Variants in PRMT3 observed in about 807,000 individuals in gnomAD.
The protein encoded by PRMT3 is protein arginine N-methyltransferase 3.
PRMT3 carries 62 observed loss-of-function variants against 71.9 expected under a neutral mutation model. That is an observed-to-expected ratio of 0.86 (90% confidence interval 0.70 to 1.07). The LOEUF (loss-of-function observed/expected upper bound fraction) is 1.07, where lower values mean the gene tolerates loss of function less well. Ranked by LOEUF, PRMT3 falls within the 50% of genes least tolerant of loss-of-function variation. PRMT3 has a pLI of 0.00. For missense variants in PRMT3, 663 were observed against 643.0 expected, an observed-to-expected ratio of 1.03 and a Z score of -0.34; for synonymous variants, 213 against 220.4, an observed-to-expected ratio of 0.97 and a Z score of 0.30.
chr11:20,476,618 C>A (rs1850792737), intron 13 of PRMT3, among the ~76,000 whole-genome samples: 1 of 152,040 alleles, frequency 6.6e-6, no homozygotes. Context: ...TTCATAAGTT[C>A]CTTTGAGATA....
At chr11:20,423,534 A>G (rs1197890200) in intron 9 of PRMT3, among the ~76,000 whole-genome samples, 2 of 152,154 alleles carry the variant, frequency 1.3e-5, no homozygotes, top group African/African-American at 4.8e-5. Flanking sequence ...GCAAGTCTAA[A>G]ATATTTTTAC....
chr11:20,500,430 A>G (rs558036918), intron 15 of PRMT3, among the ~76,000 whole-genome samples: 1 of 152,358 alleles, frequency 6.6e-6, no homozygotes, highest in African/African-American at 2.4e-5. Context: ...TCAAAAGCCT[A>G]GAATAACCAA....
chr11:20,403,422 G>GT (rs1375286865), intron 8 of PRMT3, among the ~76,000 whole-genome samples: 1 of 152,054 alleles, frequency 6.6e-6, no homozygotes, highest in Non-Finnish European at 1.5e-5. Context: ...TGGTAGTATA[G>GT]TATTTAGTTT....
chr11:20,440,399 A>G (rs1849860401), intron 10 of PRMT3, among the ~76,000 whole-genome samples: 1 of 150,520 alleles, frequency 6.6e-6, no homozygotes, highest in African/African-American at 2.4e-5. Flanking sequence ...TAATCCCAGC[A>G]CTTTGGGAGG....
intron 10 of PRMT3, among the ~76,000 whole-genome samples, chr11:20,439,994 G>C (rs1768915118): frequency 1.3e-5 from 2 of 152,178 alleles, no homozygotes; most frequent in Non-Finnish European, 1.5e-5. Context: ...GTACTACAGA[G>C]TAGTGAGGAA....
At chr11:20,503,477 A>G (rs1047024139) in intron 15 of PRMT3, among the ~76,000 whole-genome samples, 3 of 152,130 alleles carry the variant, frequency 2.0e-5, no homozygotes, top group African/African-American at 7.2e-5. Context: ...ATCACTCCAA[A>G]AAGTTTCTTC....
Position 20,508,643 on chromosome 11 carries a change from C to T in PRMT3, c.*230C>T. 1.6e-6 allele frequency: 1 copy of T among 637,070 alleles called. No individual in the cohort carries two copies. The highest frequency in any genetic ancestry group is 2.9e-6 in the Non-Finnish European group (1 of 343,686). 39.5% of individuals were successfully genotyped at this position (637,070 alleles called of 1,614,324 possible). Reference sequence around the variant, plus strand: ...GTAATCATTTTCTTAGACGTTTGCTCCACCAGATTTAACCAAATGTAACTC... The same window carrying T: ...GTAATCATTTTCTTAGACGTTTGCTTCACCAGATTTAACCAAATGTAACTC... On this transcript the variant is annotated 3_prime_UTR_variant, in exon 16 of 16. Transcript: ENST00000331079.
chr11:20,434,200 C>T (rs1294459453), intron 10 of PRMT3, among the ~76,000 whole-genome samples: 1 of 152,068 alleles, frequency 6.6e-6, no homozygotes, highest in East Asian at 1.9e-4. Flanking sequence ...TCTTCATGTC[C>T]TTTGCCCACC....
chr11:20,490,856 G>A (rs188174923), intron 13 of PRMT3, among the ~76,000 whole-genome samples: 12 of 152,182 alleles, frequency 7.9e-5, no homozygotes, highest in African/African-American at 2.6e-4. Flanking sequence ...CTTTTAAAAT[G>A]TTTCTAGAGG....
intron 9 of PRMT3, among the ~76,000 whole-genome samples, chr11:20,410,975 C>T (rs1849180998): frequency 6.6e-6 from 1 of 151,994 alleles, no homozygotes; most frequent in African/African-American, 2.4e-5. Context: ...CCAGAGCTAA[C>T]AGAATGTCTC....
At position 20,490,982 on chromosome 11, in the gene PRMT3, C is replaced by T. The variant is rs1398076672; in HGVS notation, c.1348-2937C>T. On this transcript the variant is annotated intron_variant, in intron 13 of 15. Coordinates refer to ENST00000331079, the MANE Select transcript of PRMT3 (RefSeq NM_005788.4). Reference sequence around the variant, plus strand: ...TTCTCCATCAGTGTCTTTTTCTTTTCCATCTGGACCACCAATGACACGTTA... The same window carrying T: ...TTCTCCATCAGTGTCTTTTTCTTTTTCATCTGGACCACCAATGACACGTTA... 2.0e-5 allele frequency among the ~76,000 whole-genome samples: 3 copies of T among 152,100 alleles called. No homozygotes were observed. In the South Asian group the frequency reaches 6.2e-4, roughly 32 times the overall value.
rs149370020 is a variant in PRMT3 at position 20,433,711 on chromosome 11, C to G, written c.993+6846C>G. On this transcript the variant is annotated intron_variant, in intron 10 of 15. Coordinates refer to ENST00000331079, the MANE Select transcript of PRMT3 (RefSeq NM_005788.4). ...TCTTGTCTCACTGCAACCTCCACCC[C>G]CCAGGTTCAAGCAATTCTCCAACCT... 2.3e-3 allele frequency among the ~76,000 whole-genome samples: 356 copies of G among 152,168 alleles called. 1 individual carries two copies. Among genetic ancestry groups the G allele is most frequent in the East Asian group, 7.4e-3 (38 of 5,170 alleles).
chr11:20,387,801 G>C lies in PRMT3; in HGVS notation c.28+27G>C. 6.5e-7 allele frequency: 1 copy of C among 1,541,310 alleles called. No homozygotes were observed. Among genetic ancestry groups the C allele is most frequent in the Non-Finnish European group, 8.7e-7 (1 of 1,146,238 alleles). ...TGGGTACCCTGGCCCCTCAGCACCCGGCTCGTCCAGCCCCAGGCCGCGCCG... is the reference window on the plus strand; with the variant it reads ...TGGGTACCCTGGCCCCTCAGCACCCCGCTCGTCCAGCCCCAGGCCGCGCCG... On this transcript the variant is annotated intron_variant, in intron 1 of 15. Transcript: ENST00000331079. The surrounding 1 kb of genome is among the most constrained non-coding windows in gnomAD (Gnocchi z 4.3).
At chr11:20,494,763 A>C (rs1276596972) in intron 15 of PRMT3, among the ~76,000 whole-genome samples, 1 of 152,254 alleles carries the variant, frequency 6.6e-6, no homozygotes. Flanking sequence ...AATTTCTGCC[A>C]ACTAAAATAA....
At chr11:20,391,713 T>G (rs1848719930) in intron 3 of PRMT3, among the ~76,000 whole-genome samples, 1 of 152,166 alleles carries the variant, frequency 6.6e-6, no homozygotes, top group South Asian at 2.1e-4. Context: ...ACTGCTTTCC[T>G]TTGTTTTAAA....
intron 10 of PRMT3, among the ~76,000 whole-genome samples, chr11:20,428,783 T>C (rs1405550543): frequency 6.6e-6 from 1 of 152,168 alleles, no homozygotes; most frequent in Non-Finnish European, 1.5e-5. Flanking sequence ...ACACTAAATC[T>C]CCCAAGATTT....
chr11:20,406,341 G>C (rs558080295), intron 8 of PRMT3: 1 of 152,188 alleles, frequency 6.6e-6, no homozygotes, highest in Non-Finnish European at 1.5e-5. Context: ...GAATGTTTTC[G>C]ATTAGCAGTT....
At chr11:20,394,589 A>AT (rs1848785391) in intron 5 of PRMT3, among the ~76,000 whole-genome samples, 1 of 152,148 alleles carries the variant, frequency 6.6e-6, no homozygotes, top group East Asian at 1.9e-4. Context: ...CTCACATTCC[A>AT]TTTTTTTATT....
intron 10 of PRMT3, among the ~76,000 whole-genome samples, chr11:20,450,657 G>A (rs1017227337): frequency 3.3e-5 from 5 of 152,054 alleles, no homozygotes; most frequent in Non-Finnish European, 7.4e-5. Context: ...GAGCTGGGGG[G>A]AATAGGTCAA....
Sources: gnomAD v4.1 joint callset for allele counts (sites outside exome capture counted in the v4.1 genomes callset) on GRCh38, gnomAD v4.1.1 for gene constraint, Gnocchi (gnomAD v3.1) non-coding constraint, MANE v1.5 for transcripts, NCBI Gene and HGNC (gene_info 2026-07-23, HGNC 2026-07-21) for gene names.